MAP3K19: variants seen among roughly 807,000 people sequenced by gnomAD.
MAP3K19 encodes mitogen-activated protein kinase kinase kinase 19.
In MAP3K19, 91 loss-of-function variants were observed where a neutral mutation model predicts 114.4. The ratio of observed to expected loss-of-function variants is 0.80; its 90% CI spans 0.67 to 0.95. MAP3K19 has a LOEUF of 0.95. Ranked by LOEUF, MAP3K19 falls within the 40% of genes least tolerant of loss-of-function variation. The pLI is 0.00. For synonymous variants in MAP3K19, 518 were observed against 530.5 expected (o/e 0.98, Z 0.32); for missense variants, 1,471 against 1,573.2 (o/e 0.94, Z 1.10).
chr2:135,006,812 GAAAGA>G (rs746411182), intron 5 of MAP3K19, among the ~76,000 whole-genome samples: 2 of 138,096 alleles, frequency 1.4e-5, no homozygotes. Context: ...CCTGTCAAAA[GAAAGA>G]AAAGAAAAGA....
intron 12 of MAP3K19, among the ~76,000 whole-genome samples, chr2:134,970,032 A>C (rs1029486968): frequency 6.6e-6 from 1 of 152,086 alleles, no homozygotes; most frequent in Non-Finnish European, 1.5e-5. Flanking sequence ...TATTTTGTAT[A>C]TATTTTCTGT....
At position 135,003,704 on chromosome 2, in the gene MAP3K19, AC is replaced by A. The variant is rs529012308; in HGVS notation, c.235+1730del. On this transcript the variant is annotated intron_variant, in intron 6 of 12. Transcript: ENST00000392915. The stretch of plus-strand genomic sequence containing the variant: ...CGAGTAGCTGGGATTACAGGTGCGC[AC>A]CACCACACCCGGCTAATTTTGTATT... 7.3e-4 allele frequency among the ~76,000 whole-genome samples: 110 copies of A among 151,642 alleles called. 1 individual carries two copies. The South Asian group carries it at 7.7e-3, about 11-fold the overall frequency.
chr2:134,964,907 A>C lies in MAP3K19; in HGVS notation c.3930T>G (p.His1310Gln). 2 of 1,612,800 alleles carry C rather than the reference A, an allele frequency of 1.2e-6. No individual in the cohort carries two copies. The highest frequency in any genetic ancestry group is 1.7e-6 in the Non-Finnish European group (2 of 1,179,206). The change falls in exon 13 of 13, where the codon CAT becomes CAG. Residue 1310 changes from histidine (H) to glutamine (Q), a missense_variant. By Grantham distance (24) the His-to-Gln change is conservative. Coordinates refer to ENST00000392915, the MANE Select transcript of MAP3K19 (RefSeq NM_025052.5). ...FVRMCLTRDQ[H>Q]ERPSALQLLK... ...GGAGCTGGAGAGCAGAAGGTCGCTC[A>C]TGCTGGTCCCTAAGAAGGGAAAAAC...
At chr2:135,035,835 AT>A (rs1029800964) in intron 2 of MAP3K19, among the ~76,000 whole-genome samples, 14 of 151,474 alleles carry the variant, frequency 9.2e-5, no homozygotes, top group African/African-American at 2.2e-4. Flanking sequence ...AAAATGCAAG[AT>A]TTTTTTTTCC....
chr2:135,035,132 C>T (rs1030150089), intron 2 of MAP3K19, among the ~76,000 whole-genome samples: 1 of 151,910 alleles, frequency 6.6e-6, no homozygotes, highest in Non-Finnish European at 1.5e-5. Context: ...CACGGTGGCT[C>T]ACACCTGTAA....
intron 2 of MAP3K19, among the ~76,000 whole-genome samples, chr2:135,033,385 G>T (rs1300291868): frequency 2.0e-5 from 2 of 101,730 alleles, no homozygotes; most frequent in African/African-American, 5.3e-5. Context: ...CCCCCCCACT[G>T]CCCTCCCGGA....
At chr2:135,011,239 GT>G (rs1210062144) in intron 5 of MAP3K19, among the ~76,000 whole-genome samples, 1 of 152,152 alleles carries the variant, frequency 6.6e-6, no homozygotes, top group African/African-American at 2.4e-5. Context: ...CTAATGAAAG[GT>G]TTTTAAAAAA....
At chr2:134,982,892 G>A (rs924647457) in intron 11 of MAP3K19, among the ~76,000 whole-genome samples, 33 of 152,048 alleles carry the variant, frequency 2.2e-4, no homozygotes, top group African/African-American at 7.0e-4. Flanking sequence ...TTCTTTACTC[G>A]TCTATGTAAA....
intron 12 of MAP3K19, among the ~76,000 whole-genome samples, chr2:134,976,681 A>G (rs1370756628): frequency 2.0e-5 from 3 of 152,130 alleles, no homozygotes; most frequent in African/African-American, 2.4e-5. Flanking sequence ...TTCCAGGTGA[A>G]AATGGAAATA....
intron 2 of MAP3K19, among the ~76,000 whole-genome samples, chr2:135,033,563 G>C (rs1347270213): frequency 1.5e-5 from 1 of 66,506 alleles, no homozygotes. Flanking sequence ...GGGGCGGCTG[G>C]CGGGCGGGGG....
At chr2:135,006,687 G>A (rs1428573597) in intron 5 of MAP3K19, among the ~76,000 whole-genome samples, 3 of 151,888 alleles carry the variant, frequency 2.0e-5, no homozygotes, top group Admixed American at 1.3e-4. Context: ...GCACACCCCT[G>A]TTGTCCCAGC....
intron 12 of MAP3K19, among the ~76,000 whole-genome samples, chr2:134,971,717 T>G (rs1177122135): frequency 6.6e-6 from 1 of 152,168 alleles, no homozygotes; most frequent in East Asian, 1.9e-4. Context: ...TTGTTCATAA[T>G]GTTCTCTGGT....
chr2:135,021,899 CT>C, intron 4 of MAP3K19, 69 bp from the exon 5 acceptor site: 2 of 938,730 alleles, frequency 2.1e-6, no homozygotes, highest in Non-Finnish European at 3.2e-6. Flanking sequence ...GAAGATCTAG[CT>C]CTATGTTCTA....
intron 5 of MAP3K19, among the ~76,000 whole-genome samples, chr2:135,020,942 G>A (rs1687931372): frequency 6.6e-6 from 1 of 152,176 alleles, no homozygotes; most frequent in African/African-American, 2.4e-5. Context: ...CTATAGCAGT[G>A]TGAAATGGAC....
Position 134,986,860 on chromosome 2 carries a change from TAA to T in MAP3K19, c.2010_2011del (p.Tyr671LeufsTer7). The T allele has an allele frequency of 6.2e-7, 1 of 1,614,162 alleles. No individual in the cohort carries two copies. Among genetic ancestry groups the T allele is most frequent in the Non-Finnish European group, 8.5e-7 (1 of 1,180,008 alleles). On this transcript the variant is annotated frameshift_variant, in exon 10 of 13. Coordinates refer to ENST00000392915, the MANE Select transcript of MAP3K19 (RefSeq NM_025052.5). LOFTEE classifies it high-confidence loss of function. ...CCTTTCAGTCTCTCGCACATGACAATAAACAGGGGTCCCAAACATTTCATAGA... is the reference window on the plus strand; with the variant it reads ...CCTTTCAGTCTCTCGCACATGACAATACAGGGGTCCCAAACATTTCATAGA...
At chr2:135,046,593 G>A (rs1688750662) in intron 1 of MAP3K19, among the ~76,000 whole-genome samples, 1 of 152,092 alleles carries the variant, frequency 6.6e-6, no homozygotes, top group Admixed American at 6.5e-5. Context: ...AACTGTTTTG[G>A]TCAATGATTT....
chr2:135,026,120 C>T (rs1264130349), intron 3 of MAP3K19, among the ~76,000 whole-genome samples: 2 of 152,130 alleles, frequency 1.3e-5, no homozygotes, highest in African/African-American at 4.8e-5. Context: ...ATTGGGGTTG[C>T]CACTACCTTG....
chr2:134,966,585 G>A (rs1326216539), intron 12 of MAP3K19, among the ~76,000 whole-genome samples: 1 of 152,170 alleles, frequency 6.6e-6, no homozygotes, highest in Admixed American at 6.5e-5. Flanking sequence ...TCTTCTTCTT[G>A]CATTATTATG....
intron 11 of MAP3K19, among the ~76,000 whole-genome samples, chr2:134,982,796 G>A (rs1433245722): frequency 6.6e-6 from 1 of 152,202 alleles, no homozygotes; most frequent in Non-Finnish European, 1.5e-5. Context: ...TGTAATCTCA[G>A]TGGTTTTGTG....
Sources: allele counts gnomAD v4.1 joint callset (sites outside exome capture counted in the v4.1 genomes callset), GRCh38; gene constraint gnomAD v4.1.1; transcripts MANE v1.5; gene names NCBI Gene and HGNC (gene_info 2026-07-23, HGNC 2026-07-21).